Variants in ST3GAL3 observed in about 807,000 individuals in gnomAD.
The protein encoded by ST3GAL3 is ST3 beta-galactoside alpha-2,3-sialyltransferase 3.
ST3GAL3 carries 21 observed loss-of-function variants against 50.1 expected under a neutral mutation model. That is an observed-to-expected ratio of 0.42 (90% confidence interval 0.30 to 0.60). The LOEUF (loss-of-function observed/expected upper bound fraction) is 0.60, where lower values mean the gene tolerates loss of function less well. Ranked by LOEUF, ST3GAL3 falls within the 20% of genes least tolerant of loss-of-function variation. The pLI is 0.19. For missense variants in ST3GAL3, 353 were observed against 489.4 expected, an observed-to-expected ratio of 0.72 and a Z score of 2.63; for synonymous variants, 183 against 190.0, an observed-to-expected ratio of 0.96 and a Z score of 0.30.
intron 1 of ST3GAL3, 23 bp from the exon 2 acceptor site, chr1:43,736,210 G>T (rs1480724865): frequency 6.2e-7 from 1 of 1,604,748 alleles, no homozygotes; most frequent in Admixed American, 1.7e-5. Flanking sequence ...TGTCTTTTAA[G>T]AACTAAACTT....
chr1:43,851,774 T>G (rs937699994), intron 5 of ST3GAL3, among the ~76,000 whole-genome samples: 6 of 152,180 alleles, frequency 3.9e-5, no homozygotes, highest in Non-Finnish European at 8.8e-5. Flanking sequence ...CCCGCACATG[T>G]GCCTAGCCTC....
intron 5 of ST3GAL3, among the ~76,000 whole-genome samples, chr1:43,869,599 C>G (rs1478427715): frequency 7.1e-6 from 1 of 140,718 alleles, no homozygotes; most frequent in Non-Finnish European, 1.5e-5. Flanking sequence ...CTTCAATGGT[C>G]ATGTCCCACT....
At chr1:43,907,056 T>C (rs934213940) in intron 9 of ST3GAL3, among the ~76,000 whole-genome samples, 1 of 152,230 alleles carries the variant, frequency 6.6e-6, no homozygotes, top group Admixed American at 6.5e-5. Flanking sequence ...TAAGAACTAC[T>C]GTTAACTCTT....
chr1:43,881,242 C>G (rs971913053), intron 5 of ST3GAL3, among the ~76,000 whole-genome samples: 2 of 152,236 alleles, frequency 1.3e-5, no homozygotes, highest in African/African-American at 4.8e-5. Flanking sequence ...AACTCCCGAC[C>G]TCAGGTGATC....
At chr1:43,917,766 C>A (rs2082320876) in intron 9 of ST3GAL3, among the ~76,000 whole-genome samples, 1 of 143,084 alleles carries the variant, frequency 7.0e-6, no homozygotes, top group Non-Finnish European at 1.5e-5. Context: ...TCCCCAGGTT[C>A]AAGCGATCCT....
At chr1:43,832,328 G>A (rs1307621119) in intron 4 of ST3GAL3, among the ~76,000 whole-genome samples, 6 of 152,284 alleles carry the variant, frequency 3.9e-5, no homozygotes, top group East Asian at 1.9e-4. Flanking sequence ...CAGGGCCTCC[G>A]GAGCTGAGAA....
intron 5 of ST3GAL3, among the ~76,000 whole-genome samples, chr1:43,855,844 G>A (rs1369800340): frequency 6.6e-6 from 1 of 151,866 alleles, no homozygotes; most frequent in African/African-American, 2.4e-5. Flanking sequence ...ACAATGAAAC[G>A]GGCATTAATA....
chr1:43,848,294 CTTTTTTTTTTT>C (rs58438507), intron 5 of ST3GAL3, among the ~76,000 whole-genome samples: 2 of 70,390 alleles, frequency 2.8e-5, no homozygotes, highest in Non-Finnish European at 5.0e-5. Flanking sequence ...TTGTGGTTTT[CTTTTTTTTTTT>C]TTTTTTTTTT....
intron 5 of ST3GAL3, among the ~76,000 whole-genome samples, chr1:43,869,608 C>T (rs149856722): frequency 0.012 from 1,218 of 104,004 alleles, 39 homozygotes; most frequent in Admixed American, 0.085. Context: ...TCATGTCCCA[C>T]TGACCATAAG....
intron 5 of ST3GAL3, among the ~76,000 whole-genome samples, chr1:43,886,130 C>G (rs2075945811): frequency 6.6e-6 from 1 of 152,196 alleles, no homozygotes; most frequent in Non-Finnish European, 1.5e-5. Context: ...CCTGTCATCC[C>G]AACACTTTGG....
chr1:43,839,178 A>G (rs1017605440), intron 5 of ST3GAL3: 1 of 152,414 alleles, frequency 6.6e-6, no homozygotes, highest in Admixed American at 6.5e-5. Flanking sequence ...ACTCCGGTAT[A>G]TTTGGTTTTT....
intron 2 of ST3GAL3, among the ~76,000 whole-genome samples, chr1:43,750,680 A>G (rs1189844154): frequency 6.6e-6 from 1 of 152,026 alleles, no homozygotes; most frequent in African/African-American, 2.4e-5. Flanking sequence ...TCTTGAGCCC[A>G]GGAGTTTGAG....
intron 2 of ST3GAL3, among the ~76,000 whole-genome samples, chr1:43,760,551 C>A (rs1372305891): frequency 2.0e-5 from 3 of 152,116 alleles, no homozygotes; most frequent in Non-Finnish European, 4.4e-5. Context: ...GTCAGGAGAT[C>A]GGGACCATCC....
At chr1:43,785,116 G>C (rs35025013) in intron 2 of ST3GAL3, among the ~76,000 whole-genome samples, 171 of 152,162 alleles carry the variant, frequency 1.1e-3, no homozygotes, top group African/African-American at 3.7e-3. Flanking sequence ...ACTAAGACTG[G>C]GGGGGTTAGA....
At chr1:43,712,755 A>G (rs1245195029) in intron 1 of ST3GAL3, among the ~76,000 whole-genome samples, 1 of 152,218 alleles carries the variant, frequency 6.6e-6, no homozygotes, top group Non-Finnish European at 1.5e-5. Context: ...CACACAGGCA[A>G]CAATGTGTGC....
intron 3 of ST3GAL3, among the ~76,000 whole-genome samples, chr1:43,804,268 C>T (rs1455645840): frequency 2.6e-5 from 4 of 152,210 alleles, no homozygotes; most frequent in African/African-American, 9.6e-5. Flanking sequence ...GGATCTGTAA[C>T]CTTGCCCAAC....
intron 3 of ST3GAL3, among the ~76,000 whole-genome samples, chr1:43,806,825 G>C (rs979838665): frequency 6.6e-6 from 1 of 152,120 alleles, no homozygotes; most frequent in African/African-American, 2.4e-5. Context: ...CAGTAGCTGG[G>C]ACCACAGGTG....
At position 43,758,173 on chromosome 1, in the gene ST3GAL3, C is replaced by A. The variant is rs76534533; in HGVS notation, c.118+21793C>A. Among the ~76,000 whole-genome samples the A allele has an allele frequency of 1.7e-3, 241 of 139,988 alleles. 3 individuals carry two copies. Among genetic ancestry groups the A allele is most frequent in the African/African-American group, 4.3e-3 (166 of 38,774 alleles). The allele number at this position is 139,988 out of a possible 152,430, so 91.8% of individuals were successfully genotyped here. A position where few individuals can be genotyped will look rare whatever the true frequency, so the allele number is the denominator to read the frequency against. ...ATTGGCTGCATACCACCCCCCCCCC[C>A]AAAAAAAAGGCAGTATCATCCAATC... On this transcript the variant is annotated intron_variant, in intron 2 of 11. Transcript: ENST00000347631.
chr1:43,905,677 T>C (rs1173458700), intron 9 of ST3GAL3, among the ~76,000 whole-genome samples: 1 of 8,476 alleles, frequency 1.2e-4, no homozygotes, highest in Non-Finnish European at 2.6e-4. Context: ...CGCCACTGTT[T>C]CTCCCCCTCC....
Sources: allele counts gnomAD v4.1 joint callset (sites outside exome capture counted in the v4.1 genomes callset), GRCh38; gene constraint gnomAD v4.1.1; transcripts MANE v1.5; gene names NCBI Gene and HGNC (gene_info 2026-07-23, HGNC 2026-07-21).